The following NEBL variants were observed in gnomAD, a reference collection of about 807,000 sequenced individuals.
NEBL encodes the protein nebulette.
A neutral mutation model predicts 140.2 loss-of-function variants in NEBL; 122 were observed. The ratio of observed to expected loss-of-function variants is 0.87; its 90% confidence interval spans 0.75 to 1.01. The LOEUF is 1.01. NEBL is among the 50% of genes least tolerant of loss of function. The pLI is 0.00. For synonymous variants in NEBL, 436 were observed against 398.9 expected (o/e 1.09, Z -1.11); for missense variants, 1,365 against 1,231.3 (o/e 1.11, Z -1.62).
Position 21,282,922 on chromosome 10 carries a change from C to T in NEBL, n.182+9908G>A, listed in dbSNP as rs547505175. Among the ~76,000 whole-genome samples, 1,039 of 152,180 alleles carry T rather than the reference C, an allele frequency of 6.8e-3. 10 individuals carry two copies. Among genetic ancestry groups the T allele is most frequent in the Non-Finnish European group, 0.011 (719 of 68,002 alleles). On this transcript the variant is annotated intron_variant and non_coding_transcript_variant, in intron 1 of 8. Coordinates refer to the NEBL transcript ENST00000675702. Reference sequence around the variant, plus strand: ...GGCAGATCACCTGAGGTTAAGAGTTCGAGACCAGCCTGGCCAACATGGTGA... The same window carrying T: ...GGCAGATCACCTGAGGTTAAGAGTTTGAGACCAGCCTGGCCAACATGGTGA...
chr10:21,251,213 G>A (rs1842583930), intron 2 of NEBL, among the ~76,000 whole-genome samples: 1 of 152,152 alleles, frequency 6.6e-6, no homozygotes, highest in African/African-American at 2.4e-5. Context: ...CAGGTACACA[G>A]TGATGTGGCC....
intron 2 of NEBL, among the ~76,000 whole-genome samples, chr10:21,061,031 T>TA (rs1835251147): frequency 6.6e-6 from 1 of 151,884 alleles, no homozygotes; most frequent in African/African-American, 2.4e-5. Flanking sequence ...AACGTGACCT[T>TA]ATTTGGAAAT....
At chr10:20,952,852 C>A (rs1225595989) in intron 4 of NEBL, among the ~76,000 whole-genome samples, 26 of 138,536 alleles carry the variant, frequency 1.9e-4, no homozygotes, top group Middle Eastern at 4.1e-3. Context: ...TTGCAGTAAG[C>A]CGAGATTGCA....
At chr10:20,786,939 G>C (rs543791681) in intron 27 of NEBL, among the ~76,000 whole-genome samples, 10 of 152,286 alleles carry the variant, frequency 6.6e-5, no homozygotes, top group African/African-American at 2.2e-4. Context: ...CAATCATGAA[G>C]TAACAATTAG....
At chr10:21,005,291 A>C (rs1295913584) in intron 3 of NEBL, among the ~76,000 whole-genome samples, 1 of 152,216 alleles carries the variant, frequency 6.6e-6, no homozygotes, top group South Asian at 2.1e-4. Flanking sequence ...AAGTCACAGA[A>C]TACCCATCTA....
chr10:20,859,715 T>TG lies in NEBL; in HGVS notation c.795dup (p.Asn266GlnfsTer13). 6.4e-7 allele frequency: 1 copy of TG among 1,566,116 alleles called. No homozygotes were observed. The highest frequency in any genetic ancestry group is 8.8e-7 in the Non-Finnish European group (1 of 1,138,022). The stretch of plus-strand genomic sequence containing the variant: ...ATTTTCTATGAATTACAACTTACAT[T>TG]GCTCGCCAGTGTAGCAGCAAGCTGA... On this transcript the variant is annotated frameshift_variant, in exon 8 of 28. Coordinates refer to ENST00000377122, the MANE Select transcript of NEBL (RefSeq NM_006393.3). LOFTEE classifies it high-confidence loss of function.
intron 3 of NEBL, among the ~76,000 whole-genome samples, chr10:21,013,916 T>C (rs1838454038): frequency 6.6e-6 from 1 of 151,936 alleles, no homozygotes; most frequent in Non-Finnish European, 1.5e-5. Context: ...TCCCCTAGGA[T>C]TAAAAAATGG....
At chr10:21,115,578 T>C (rs952160209) in intron 2 of NEBL, among the ~76,000 whole-genome samples, 1 of 152,118 alleles carries the variant, frequency 6.6e-6, no homozygotes, top group African/African-American at 2.4e-5. Context: ...CTCCATTGTC[T>C]TCCGACTTGC....
At chr10:21,187,227 C>T (rs1012956411) in intron 3 of NEBL, among the ~76,000 whole-genome samples, 1 of 151,988 alleles carries the variant, frequency 6.6e-6, no homozygotes, top group Non-Finnish European at 1.5e-5. Flanking sequence ...CTGAGGCCTC[C>T]CCAGCTGTGC....
intron 3 of NEBL, among the ~76,000 whole-genome samples, chr10:21,237,498 C>G (rs978306965): frequency 2.6e-5 from 4 of 151,746 alleles, no homozygotes; most frequent in Admixed American, 6.6e-5. Flanking sequence ...AGCCACTGCG[C>G]CCTGCCTAAT....
intron 1 of NEBL, among the ~76,000 whole-genome samples, chr10:21,271,399 T>A (rs1842858636): frequency 6.6e-6 from 1 of 152,158 alleles, no homozygotes; most frequent in Admixed American, 6.6e-5. Flanking sequence ...GAAATAAAGA[T>A]GTTGGTGAAA....
chr10:21,078,655 G>T (rs1378116915), intron 2 of NEBL, among the ~76,000 whole-genome samples: 1 of 152,168 alleles, frequency 6.6e-6, no homozygotes, highest in Non-Finnish European at 1.5e-5. Flanking sequence ...TAAAGGTTTT[G>T]ATTGTTTAAT....
chr10:21,066,598 T>A (rs1445752351), intron 2 of NEBL, among the ~76,000 whole-genome samples: 1 of 152,158 alleles, frequency 6.6e-6, no homozygotes, highest in East Asian at 1.9e-4. Context: ...AAACAGAGAA[T>A]CATTAATAAT....
At chr10:21,235,997 G>A (rs72800008) in intron 3 of NEBL, among the ~76,000 whole-genome samples, 6,212 of 152,246 alleles carry the variant, frequency 0.041, 188 homozygotes, top group South Asian at 0.14. Flanking sequence ...ATGGCCCCTT[G>A]TGGTTGAGAA....
Position 20,817,658 on chromosome 10 carries a change from G to T in NEBL, c.2090C>A (p.Ala697Glu). The change falls in exon 21 of 28, where the codon GCA becomes GAA. Residue 697 changes from alanine to glutamate, a missense_variant. Transcript: ENST00000377122. ...KYKGELQRGT[A>E]ISDPPELKRA... ...CTTCAGCTCTGGTGGATCAGAAATT[G>T]CAGTTCCCCGTTGAAGTTCTCCCTT... 2.5e-6 allele frequency: 4 copies of T among 1,613,806 alleles called. No homozygotes were observed. Among genetic ancestry groups the T allele is most frequent in the Non-Finnish European group, 3.4e-6 (4 of 1,179,756 alleles).
intron 3 of NEBL, among the ~76,000 whole-genome samples, chr10:21,234,908 AC>A (rs1842328226): frequency 6.6e-6 from 1 of 152,224 alleles, no homozygotes; most frequent in Admixed American, 6.5e-5. Context: ...ACAAGGCTCA[AC>A]GGTGAGATAT....
chr10:21,001,812 A>G (rs1837913486), intron 3 of NEBL, among the ~76,000 whole-genome samples: 1 of 152,164 alleles, frequency 6.6e-6, no homozygotes, highest in South Asian at 2.1e-4. Flanking sequence ...TTTCTAATGG[A>G]AAATAAGAAC....
At chr10:21,191,461 T>C (rs1841572506) in intron 3 of NEBL, among the ~76,000 whole-genome samples, 1 of 152,232 alleles carries the variant, frequency 6.6e-6, no homozygotes, top group Non-Finnish European at 1.5e-5. Context: ...TAGGATGAGC[T>C]GAGCCTTCTT....
chr10:20,815,075 T>C (rs1421418376), intron 22 of NEBL, among the ~76,000 whole-genome samples: 1 of 152,220 alleles, frequency 6.6e-6, no homozygotes, highest in Non-Finnish European at 1.5e-5. Context: ...GGGCATTATG[T>C]ACAATTCAGA....
Sources: allele counts gnomAD v4.1 joint callset (sites outside exome capture counted in the v4.1 genomes callset), GRCh38; gene constraint gnomAD v4.1.1; transcripts MANE v1.5; gene names NCBI Gene and HGNC (gene_info 2026-07-23, HGNC 2026-07-21).